The following CDK14 variants were observed in gnomAD, a reference collection of about 807,000 sequenced individuals.
The protein encoded by CDK14 is cyclin dependent kinase 14, also known as cyclin-dependent kinase 14.
Under a neutral mutation model 60.7 loss-of-function variants are expected in CDK14, and 34 were observed. The observed-to-expected ratio is 0.56, with a 90% CI of 0.43 to 0.75. The LOEUF (loss-of-function observed/expected upper bound fraction) is 0.75, where lower values mean the gene tolerates loss of function less well. Ranked by LOEUF, CDK14 falls within the 30% of genes least tolerant of loss-of-function variation. The probability of loss-of-function intolerance (pLI) is 0.00; values close to 1 mark genes in which losing one functional copy is unlikely to be tolerated. For synonymous variants in CDK14, 197 were observed against 203.7 expected (o/e 0.97, Z 0.28); for missense variants, 482 against 564.1 (o/e 0.85, Z 1.47).
intron 2 of CDK14, among the ~76,000 whole-genome samples, chr7:90,641,551 A>G (rs1800332855): frequency 6.6e-6 from 1 of 152,174 alleles, no homozygotes; most frequent in African/African-American, 2.4e-5. Context: ...GATTCTGTTT[A>G]TATGAAATGT....
chr7:90,756,719 C>A (rs1804074998), intron 4 of CDK14, among the ~76,000 whole-genome samples: 1 of 152,122 alleles, frequency 6.6e-6, no homozygotes, highest in Non-Finnish European at 1.5e-5. Flanking sequence ...TTTAAATAGC[C>A]AACTAATTGT....
chr7:91,045,931 G>A lies in CDK14; in HGVS notation c.1076G>A (p.Gly359Glu). The A allele has an allele frequency of 6.2e-7, 1 of 1,611,594 alleles. No individual in the cohort carries two copies. The highest frequency in any genetic ancestry group is 8.5e-7 in the Non-Finnish European group (1 of 1,177,850). ...ACACCAAATGAGGACACATGGCCTG[G>A]AGTTCATTCTTTACCACATTTTAAG... ...LGTPNEDTWPGVHSLPHFKPE... is the reference protein window; with the variant it reads ...LGTPNEDTWPEVHSLPHFKPE... Residue 359 changes from glycine (G) to glutamate (E), a missense_variant, in exon 11 of 15, where the codon GGA becomes GAA. Coordinates refer to ENST00000380050, the MANE Select transcript of CDK14 (RefSeq NM_001287135.2).
chr7:90,790,799 G>C (rs1378426322), intron 5 of CDK14, 147 bp downstream of exon 5: 3 of 536,060 alleles, frequency 5.6e-6, no homozygotes, highest in Non-Finnish European at 1.0e-5. Context: ...TTAAAAATCA[G>C]TATCTCTTGC....
chr7:90,915,907 T>G (rs1584119567), intron 7 of CDK14, among the ~76,000 whole-genome samples: 1 of 152,330 alleles, frequency 6.6e-6, no homozygotes, highest in South Asian at 2.1e-4. Flanking sequence ...ATTCATTAAA[T>G]TAAAATGCAT....
chr7:90,813,268 G>T (rs967149313), intron 5 of CDK14, among the ~76,000 whole-genome samples: 2 of 152,168 alleles, frequency 1.3e-5, no homozygotes, highest in Non-Finnish European at 2.9e-5. Context: ...TGCCTGGGAC[G>T]AGCTGGGAGC....
At chr7:90,704,053 G>A (rs115688272) in intron 2 of CDK14, among the ~76,000 whole-genome samples, 1,719 of 152,240 alleles carry the variant, frequency 0.011, 31 homozygotes, top group African/African-American at 0.039. Context: ...TAATCGTGCC[G>A]CTGTACTTCA....
rs143423106 is a variant in CDK14, at chr7:90,611,185, A to T, written c.123+6936A>T. On this transcript the variant is annotated intron_variant, in intron 2 of 14. Coordinates refer to ENST00000380050, the MANE Select transcript of CDK14 (RefSeq NM_001287135.2). ...CCCTCTCCTTTTTCTAGATACTTTC[A>T]CCATAGGCTCTGAACATGCTTAAGT... Among the ~76,000 whole-genome samples, 591 of 151,960 alleles carry T rather than the reference A, an allele frequency of 3.9e-3. 8 individuals are homozygous for T. The highest frequency in any genetic ancestry group is 0.014 in the African/African-American group (560 of 41,422).
chr7:91,021,706 A>C (rs980452645), intron 10 of CDK14, among the ~76,000 whole-genome samples: 2 of 152,142 alleles, frequency 1.3e-5, no homozygotes, highest in Non-Finnish European at 2.9e-5. Context: ...CCTGATTTGA[A>C]ATTTTGTGGA....
intron 8 of CDK14, among the ~76,000 whole-genome samples, chr7:90,932,896 A>T (rs937106846): frequency 2.0e-5 from 3 of 152,174 alleles, no homozygotes; most frequent in Non-Finnish European, 4.4e-5. Flanking sequence ...TCTCACAGAC[A>T]CTCAAAGGAA....
chr7:90,824,106 T>C (rs1789639180), intron 5 of CDK14, among the ~76,000 whole-genome samples: 1 of 152,180 alleles, frequency 6.6e-6, no homozygotes, highest in Non-Finnish European at 1.5e-5. Context: ...ACGGTTATAT[T>C]AACAGATGTA....
At chr7:90,760,294 T>G (rs752604265) in intron 4 of CDK14, among the ~76,000 whole-genome samples, 3 of 152,222 alleles carry the variant, frequency 2.0e-5, no homozygotes, top group African/African-American at 7.2e-5. Context: ...TATGTGAGAT[T>G]AAAGATGCAG....
intron 14 of CDK14, among the ~76,000 whole-genome samples, chr7:91,145,895 T>G (rs1205068239): frequency 2.0e-5 from 3 of 151,352 alleles, no homozygotes; most frequent in African/African-American, 7.3e-5. Context: ...CCCTTTAAAC[T>G]TCAAAGGGAT....
chr7:91,208,456 G>C lies in CDK14; in HGVS notation c.*1320G>C, dbSNP rs1438854119. On this transcript the variant is annotated 3_prime_UTR_variant, in exon 15 of 15. Coordinates refer to ENST00000380050, the MANE Select transcript of CDK14 (RefSeq NM_001287135.2). ...AGGCCTCGCTGCAGAATGCCCAGTA[G>C]TACTGCGGCCAAGGGGACAGTTAGG... 2 of 152,450 alleles carry C rather than the reference G, an allele frequency of 1.3e-5. No individual in the cohort carries two copies. Among genetic ancestry groups the C allele is most frequent in the African/African-American group, 4.8e-5 (2 of 41,452 alleles). 9.4% of individuals were successfully genotyped at this position (152,450 alleles called of 1,614,324 possible).
intron 14 of CDK14, among the ~76,000 whole-genome samples, chr7:91,149,287 A>G (rs1243645090): frequency 6.6e-6 from 1 of 151,978 alleles, no homozygotes; most frequent in Non-Finnish European, 1.5e-5. Context: ...GCTTCATAAA[A>G]AAAAAAAAGG....
intron 4 of CDK14, among the ~76,000 whole-genome samples, chr7:90,754,083 C>T (rs1235695053): frequency 2.0e-5 from 3 of 152,164 alleles, no homozygotes; most frequent in Non-Finnish European, 4.4e-5. Context: ...CAGTGCTATT[C>T]CTATCAAACT....
chr7:90,782,696 T>G (rs1805393998), intron 4 of CDK14, among the ~76,000 whole-genome samples: 1 of 151,952 alleles, frequency 6.6e-6, no homozygotes, highest in South Asian at 2.1e-4. Flanking sequence ...GAATAAGGGG[T>G]GGGATATTAA....
chr7:90,727,977 G>A (rs958592684), intron 3 of CDK14, among the ~76,000 whole-genome samples: 1 of 151,998 alleles, frequency 6.6e-6, no homozygotes, highest in Non-Finnish European at 1.5e-5. Context: ...GGGTGATGGG[G>A]GGTTTGTCAT....
chr7:90,948,205 A>T (rs909598187), intron 8 of CDK14, among the ~76,000 whole-genome samples: 1 of 152,158 alleles, frequency 6.6e-6, no homozygotes, highest in African/African-American at 2.4e-5. Flanking sequence ...TTTGAAATTC[A>T]TTTTTTATAT....
At chr7:90,863,698 T>TGTGTGTGTGTG (rs61201271) in intron 6 of CDK14, among the ~76,000 whole-genome samples, 7 of 58,464 alleles carry the variant, frequency 1.2e-4, no homozygotes, top group Admixed American at 5.9e-4. Flanking sequence ...GTGTGTGTGT[T>TGTGTGTGTGTG]TGTGTGTGTG....
Sources: gnomAD v4.1 joint callset for allele counts (sites outside exome capture counted in the v4.1 genomes callset) on GRCh38, gnomAD v4.1.1 for gene constraint, MANE v1.5 for transcripts, NCBI Gene and HGNC (gene_info 2026-07-23, HGNC 2026-07-21) for gene names.